CDH18: variants seen among roughly 807,000 people sequenced by gnomAD.
CDH18 encodes the protein cadherin 18, also known as cadherin-18.
CDH18 carries 31 observed loss-of-function variants against 67.9 expected under a neutral mutation model. The ratio of observed to expected loss-of-function variants is 0.46; its 90% CI spans 0.34 to 0.62. The LOEUF (loss-of-function observed/expected upper bound fraction) is 0.62, where lower values mean the gene tolerates loss of function less well. Among genes scored for constraint, CDH18 ranks in the 20% least tolerant of loss-of-function variants. CDH18 has a pLI of 0.01. For missense variants in CDH18, 890 were observed against 975.5 expected (o/e 0.91, Z 1.17); for synonymous variants, 362 against 347.2 (o/e 1.04, Z -0.48).
chr5:19,661,879 A>C (rs1012091179), intron 5 of CDH18, among the ~76,000 whole-genome samples: 1 of 152,096 alleles, frequency 6.6e-6, no homozygotes, highest in African/African-American at 2.4e-5. Context: ...ACCCATTTAG[A>C]AGTGCTGGGG....
rs114058757 is a variant in CDH18, at chr5:20,179,858, A to G, written c.-518+75586T>C. 2.1e-3 allele frequency among the ~76,000 whole-genome samples: 314 copies of G among 152,254 alleles called. 1 individual carries two copies. Among genetic ancestry groups the G allele is most frequent in the African/African-American group, 7.3e-3 (305 of 41,578 alleles). ...TCCATTTCTCTTTGATTGAGCACCA[A>G]TAGGTTCTGGCAGCCTGAGGGCAGC... is the stretch of plus-strand genomic sequence containing the variant. On this transcript the variant is annotated intron_variant, in intron 2 of 14. Transcript: ENST00000507958.
chr5:19,632,961 T>C (rs4554223), intron 5 of CDH18, among the ~76,000 whole-genome samples: 113,394 of 151,954 alleles, frequency 0.75, 42,506 homozygotes, highest in South Asian at 0.8. Flanking sequence ...TTCAGACTCT[T>C]GGAGGAGGTC....
intron 1 of CDH18, among the ~76,000 whole-genome samples, chr5:20,324,138 A>G (rs747274185): frequency 1.1e-4 from 17 of 152,146 alleles, no homozygotes; most frequent in South Asian, 8.3e-4. Context: ...ACCCACCACC[A>G]CTCAATGTGT....
intron 2 of CDH18, among the ~76,000 whole-genome samples, chr5:19,965,704 C>T (rs1046164658): frequency 1.3e-5 from 2 of 151,888 alleles, no homozygotes; most frequent in Non-Finnish European, 2.9e-5. Context: ...CATTTCTCCA[C>T]CAGGTTACAT....
At chr5:20,426,220 C>T (rs13356093) in intron 1 of CDH18, among the ~76,000 whole-genome samples, 34,054 of 150,734 alleles carry the variant, frequency 0.23, 4,536 homozygotes, top group East Asian at 0.3. Context: ...GAATAATATT[C>T]TTAATGGAAA....
At chr5:19,607,969 A>T (rs1009859309) in intron 6 of CDH18, among the ~76,000 whole-genome samples, 3 of 151,694 alleles carry the variant, frequency 2.0e-5, no homozygotes, top group African/African-American at 7.2e-5. Context: ...AAAGCCTTCG[A>T]TCTGTGTGCA....
intron 3 of CDH18, among the ~76,000 whole-genome samples, chr5:19,755,427 G>GTGTGTATATATA (rs1554024291): frequency 9.0e-5 from 4 of 44,674 alleles, no homozygotes; most frequent in African/African-American, 2.5e-4. Flanking sequence ...AACTAACAGG[G>GTGTGTATATATA]TATGTATATA....
intron 5 of CDH18, among the ~76,000 whole-genome samples, chr5:19,614,354 T>C (rs564911475): frequency 3.0e-4 from 46 of 151,118 alleles, no homozygotes; most frequent in African/African-American, 1.1e-3. Context: ...TAAATAGAAA[T>C]GAAAATTATT....
chr5:20,301,792 T>TTC (rs1735950238), intron 1 of CDH18, among the ~76,000 whole-genome samples: 1 of 33,290 alleles, frequency 3.0e-5, no homozygotes, highest in Admixed American at 3.0e-4. Context: ...CTTTTTTCTT[T>TTC]TTTTTTTTTT....
chr5:20,352,113 A>G (rs1163489029), intron 1 of CDH18, among the ~76,000 whole-genome samples: 2 of 152,160 alleles, frequency 1.3e-5, no homozygotes, highest in Non-Finnish European at 2.9e-5. Flanking sequence ...TTGACCCTTG[A>G]ACAGCACGAG....
chr5:19,843,436 G>C (rs988626371), intron 2 of CDH18, among the ~76,000 whole-genome samples: 1 of 152,200 alleles, frequency 6.6e-6, no homozygotes, highest in African/African-American at 2.4e-5. Flanking sequence ...GAAGAATTGA[G>C]GTTTGGGAAA....
intron 2 of CDH18, among the ~76,000 whole-genome samples, chr5:20,080,667 T>C (rs1259338460): frequency 6.6e-6 from 1 of 151,952 alleles, no homozygotes; most frequent in African/African-American, 2.4e-5. Flanking sequence ...TTGAAAGTAG[T>C]AAAACAAACT....
chr5:20,495,024 A>G (rs1561062811), intron 1 of CDH18, among the ~76,000 whole-genome samples: 1 of 152,186 alleles, frequency 6.6e-6, no homozygotes, highest in Non-Finnish European at 1.5e-5. Flanking sequence ...GAAAAATAAG[A>G]GGAAATGTGA....
intron 2 of CDH18, among the ~76,000 whole-genome samples, chr5:20,130,726 C>A (rs1749200827): frequency 6.6e-6 from 1 of 151,936 alleles, no homozygotes; most frequent in Non-Finnish European, 1.5e-5. Flanking sequence ...AGCGAACAGA[C>A]TCAGTTATTT....
chr5:20,004,692 A>G (rs957541801), intron 2 of CDH18, among the ~76,000 whole-genome samples: 3 of 152,240 alleles, frequency 2.0e-5, no homozygotes, highest in African/African-American at 4.8e-5. Flanking sequence ...AAATAGTTCA[A>G]TAGATGGGTT....
At chr5:19,630,808 G>T (rs762763736) in intron 5 of CDH18, among the ~76,000 whole-genome samples, 16 of 152,040 alleles carry the variant, frequency 1.1e-4, no homozygotes, top group Non-Finnish European at 2.1e-4. Flanking sequence ...AAAATTTGAA[G>T]AATGAGCTCT....
chr5:19,489,034 T>C (rs1164121451), intron 11 of CDH18, among the ~76,000 whole-genome samples: 1 of 152,114 alleles, frequency 6.6e-6, no homozygotes, highest in Non-Finnish European at 1.5e-5. Flanking sequence ...TTTGACCATC[T>C]GCCACACTCC....
At chr5:20,489,679 A>T (rs1753466271) in intron 1 of CDH18, among the ~76,000 whole-genome samples, 1 of 152,012 alleles carries the variant, frequency 6.6e-6, no homozygotes, top group South Asian at 2.1e-4. Flanking sequence ...ACTTCCAATT[A>T]TGCCTTAGGT....
intron 2 of CDH18, among the ~76,000 whole-genome samples, chr5:19,847,743 C>G (rs2150060470): frequency 6.6e-6 from 1 of 152,084 alleles, no homozygotes; most frequent in Non-Finnish European, 1.5e-5. Context: ...CTTTCTCCAA[C>G]TAAACTAAGA....
Sources: gnomAD v4.1 joint callset for allele counts (sites outside exome capture counted in the v4.1 genomes callset) on GRCh38, gnomAD v4.1.1 for gene constraint, MANE v1.5 for transcripts, NCBI Gene and HGNC (gene_info 2026-07-23, HGNC 2026-07-21) for gene names.